DERA: variants seen among roughly 807,000 people sequenced by gnomAD.
DERA encodes the protein 2-deoxy-D-ribose 5-phosphate aldolase.
DERA carries 15 observed loss-of-function variants against 41.1 expected under a neutral mutation model. The observed-to-expected ratio is 0.37, with a 90% CI of 0.24 to 0.56. The LOEUF (loss-of-function observed/expected upper bound fraction) is 0.56. Among genes scored for constraint, DERA ranks in the 20% least tolerant of loss-of-function variants. DERA has a pLI of 0.81. For missense variants in DERA, 396 were observed against 403.4 expected (o/e 0.98, Z 0.16); for synonymous variants, 139 against 137.4 (o/e 1.01, Z -0.08).
rs184743681 is a variant in DERA, at chr12:15,922,748, G to A, written c.31+11334G>A. Reference sequence around the variant, plus strand: ...ACAGGATTGGGACCCAGGCACTTTAGTTGTAGACCTGATAGCATCTAGCTG... The same window carrying A: ...ACAGGATTGGGACCCAGGCACTTTAATTGTAGACCTGATAGCATCTAGCTG... On this transcript the variant is annotated intron_variant, in intron 1 of 8. Transcript: ENST00000428559. The surrounding 1 kb of genome is among the most constrained non-coding windows in gnomAD (Gnocchi z 4.9). 2.0e-5 allele frequency among the ~76,000 whole-genome samples: 3 copies of A among 152,314 alleles called. No individual in the cohort carries two copies. The East Asian group carries it at 5.8e-4, about 29-fold the overall frequency.
At chr12:15,939,177 T>C (rs570794704) in intron 1 of DERA, among the ~76,000 whole-genome samples, 39 of 152,316 alleles carry the variant, frequency 2.6e-4, no homozygotes, top group Admixed American at 1.3e-3. Context: ...GGAGACTTAA[T>C]GTCCCAGCAG....
chr12:15,949,674 C>T (rs60409227), intron 1 of DERA, among the ~76,000 whole-genome samples: 2,860 of 152,246 alleles, frequency 0.019, 100 homozygotes, highest in African/African-American at 0.064. Flanking sequence ...CGCCCTGCTT[C>T]GGCTCACGCT....
Position 15,996,891 on chromosome 12 carries a change from A to G in DERA, c.637+14455A>G, listed in dbSNP as rs557728351. 1.3e-5 allele frequency among the ~76,000 whole-genome samples: 2 copies of G among 152,344 alleles called. No individual in the cohort carries two copies. Among genetic ancestry groups the G allele is most frequent in the African/African-American group, 2.4e-5 (1 of 41,580 alleles). On this transcript the variant is annotated intron_variant, in intron 6 of 8. Coordinates refer to ENST00000428559, the MANE Select transcript of DERA (RefSeq NM_015954.4). This position sits in a 1 kb window ranked among gnomAD's most constrained non-coding sequence, Gnocchi z 4.7. ...AATCTAGTAGATATTAAATATTTTT[A>G]TCTGCAAAAAGCATTTGGTAAGGTT...
chr12:15,949,980 C>T (rs1388002691), intron 1 of DERA, among the ~76,000 whole-genome samples: 1 of 152,168 alleles, frequency 6.6e-6, no homozygotes, highest in Non-Finnish European at 1.5e-5. Context: ...TCTTCCATTT[C>T]CCGTACCTGG....
chr12:15,965,913 A>G lies in DERA; in HGVS notation c.508+2966A>G, dbSNP rs200365930. Among the ~76,000 whole-genome samples, 1 of 151,974 alleles carries G rather than the reference A, an allele frequency of 6.6e-6. No homozygotes were observed. The highest frequency in any genetic ancestry group is 1.5e-5 in the Non-Finnish European group (1 of 67,988). Reference sequence around the variant, plus strand: ...CCTGCATTTTCAGAAGCCCTGCTCTATCTATTGGGCATTCTTTCTTCCGTG... The same window carrying G: ...CCTGCATTTTCAGAAGCCCTGCTCTGTCTATTGGGCATTCTTTCTTCCGTG... On this transcript the variant is annotated intron_variant, in intron 5 of 8. Transcript: ENST00000428559. This position sits in a 1 kb window ranked among gnomAD's most constrained non-coding sequence, Gnocchi z 4.1.
In DERA at chr12:15,936,860, C is replaced by CTTGTG. The variant is rs1338709267; in HGVS notation, c.32-20072_32-20071insGTTGT. Reference sequence around the variant, plus strand: ...CATCTTCTGTCTTGTGTTGTCTTGTCTTGTCTTGTCTTGTCTTGTCTTGTC... The same window carrying CTTGTG: ...CATCTTCTGTCTTGTGTTGTCTTGTCTTGTGTTGTCTTGTCTTGTCTTGTCTTGTC... On this transcript the variant is annotated intron_variant, in intron 1 of 8. Coordinates refer to ENST00000428559, the MANE Select transcript of DERA (RefSeq NM_015954.4). This position sits in a 1 kb window ranked among gnomAD's most constrained non-coding sequence, Gnocchi z 4.6. Among the ~76,000 whole-genome samples, 25 of 129,620 alleles carry CTTGTG rather than the reference C, an allele frequency of 1.9e-4. No homozygotes were observed. In the South Asian group the frequency reaches 2.6e-3, roughly 13 times the overall value. 85.0% of individuals were successfully genotyped at this position (129,620 alleles called of 152,430 possible). A position where few individuals can be genotyped will look rare whatever the true frequency, so the allele number is the denominator to read the frequency against.
chr12:15,925,776 A>G (rs1044584810), intron 1 of DERA, among the ~76,000 whole-genome samples: 8 of 150,974 alleles, frequency 5.3e-5, no homozygotes, highest in African/African-American at 2.0e-4. Context: ...ACAAGCATCA[A>G]AGCTGCTGTG....
Position 15,988,109 on chromosome 12 carries a change from A to G in DERA, c.637+5673A>G, listed in dbSNP as rs1028158925. On this transcript the variant is annotated intron_variant, in intron 6 of 8. Transcript: ENST00000428559. This position sits in a 1 kb window ranked among gnomAD's most constrained non-coding sequence, Gnocchi z 6.0. ...AAAACTTGGAGACACCAGGAACCACAGAGCCCCAAAGAGGGTGTTACAGCA... is the reference window on the plus strand; with the variant it reads ...AAAACTTGGAGACACCAGGAACCACGGAGCCCCAAAGAGGGTGTTACAGCA... 2.0e-5 allele frequency among the ~76,000 whole-genome samples: 3 copies of G among 152,188 alleles called. No individual in the cohort carries two copies. The highest frequency in any genetic ancestry group is 7.2e-5 in the African/African-American group (3 of 41,452).
In DERA at chr12:16,036,381, G is replaced by A. The variant is rs1320587411; in HGVS notation, c.900G>A (p.Gln300=). Residue 300 remains glutamine, a splice_region_variant and synonymous_variant, in exon 8 of 9, where the codon CAG becomes CAA. Coordinates refer to ENST00000428559, the MANE Select transcript of DERA (RefSeq NM_015954.4). The surrounding 1 kb of genome is among the most constrained non-coding windows in gnomAD (Gnocchi z 4.9). ...ASTLLSDIER[Q]IYHHVTGRYA... ...CTCTGCTCTCGGACATTGAGAGGCA[G>A]GTGAGTAATCATCTCTGTCTTTGGA... The A allele has an allele frequency of 6.3e-7, 1 of 1,591,134 alleles. No individual in the cohort carries two copies.
At position 15,954,809 on chromosome 12, in the gene DERA, C is replaced by A. The variant is rs1948525110; in HGVS notation, c.32-2127C>A. ...GAATGGGAAGGACTTCAGGGGTGTC[C>A]TGTGACCGATAAAGGACAGCCTGTC... On this transcript the variant is annotated intron_variant, in intron 1 of 8. Coordinates refer to ENST00000428559, the MANE Select transcript of DERA (RefSeq NM_015954.4). This position sits in a 1 kb window ranked among gnomAD's most constrained non-coding sequence, Gnocchi z 4.0. Among the ~76,000 whole-genome samples the A allele has an allele frequency of 6.6e-6, 1 of 152,096 alleles. No individual in the cohort carries two copies. The highest frequency in any genetic ancestry group is 1.5e-5 in the Non-Finnish European group (1 of 68,006).
chr12:15,949,307 C>G (rs1948477435), intron 1 of DERA, among the ~76,000 whole-genome samples: 1 of 152,202 alleles, frequency 6.6e-6, no homozygotes, highest in Non-Finnish European at 1.5e-5. Flanking sequence ...GTGGAGTCTA[C>G]AGAGGCAGGC....
rs117805137 is a variant in DERA, at chr12:15,917,298, G to T, written c.31+5884G>T. On this transcript the variant is annotated intron_variant, in intron 1 of 8. Coordinates refer to ENST00000428559, the MANE Select transcript of DERA (RefSeq NM_015954.4). ...CTAGCTCTTAGCTCAGGTGGTAAGA[G>T]AATTTAAAAATTTTTAGATTTCTGC... Among the ~76,000 whole-genome samples the T allele has an allele frequency of 6.6e-3, 1,011 of 152,270 alleles. 4 individuals carry two copies. The highest frequency in any genetic ancestry group is 0.011 in the Non-Finnish European group (754 of 68,008).
At chr12:15,968,487 C>T (rs1948638864) in intron 5 of DERA, among the ~76,000 whole-genome samples, 1 of 152,234 alleles carries the variant, frequency 6.6e-6, no homozygotes, top group Non-Finnish European at 1.5e-5. Context: ...CCAGGCCACC[C>T]AGTCATTGCT....
In DERA at chr12:16,014,219, C is replaced by T. The variant is rs1463743675; in HGVS notation, c.638-18323C>T. On this transcript the variant is annotated intron_variant, in intron 6 of 8. Coordinates refer to ENST00000428559, the MANE Select transcript of DERA (RefSeq NM_015954.4). The surrounding 1 kb of genome is among the most constrained non-coding windows in gnomAD (Gnocchi z 5.4). ...CAGATGCAGAAATTTGCATAAGTAACGAGGAGCCAAATGTTAATCACCAAG... is the reference window on the plus strand; with the variant it reads ...CAGATGCAGAAATTTGCATAAGTAATGAGGAGCCAAATGTTAATCACCAAG... Among the ~76,000 whole-genome samples the T allele has an allele frequency of 1.3e-5, 2 of 152,126 alleles. No homozygotes were observed. Among genetic ancestry groups the T allele is most frequent in the East Asian group, 1.9e-4 (1 of 5,182 alleles).
At position 16,001,307 on chromosome 12, in the gene DERA, C is replaced by T. The variant is rs1009120360; in HGVS notation, c.637+18871C>T. On this transcript the variant is annotated intron_variant, in intron 6 of 8. Coordinates refer to ENST00000428559, the MANE Select transcript of DERA (RefSeq NM_015954.4). The surrounding 1 kb of genome is among the most constrained non-coding windows in gnomAD (Gnocchi z 4.1). ...AGAAATAAAAAAAACCATTCAGGCT[C>T]CCATGAGGTGATCAGGTACTTCTTT... Among the ~76,000 whole-genome samples the T allele has an allele frequency of 6.6e-6, 1 of 152,140 alleles. No individual in the cohort carries two copies. The highest frequency in any genetic ancestry group is 1.5e-5 in the Non-Finnish European group (1 of 68,026).
At chr12:15,951,318 T>C (rs755805352) in intron 1 of DERA, 4 of 152,298 alleles carry the variant, frequency 2.6e-5, no homozygotes, top group Admixed American at 1.3e-4. Context: ...TTGGTGATCT[T>C]TTCTATGGGA....
intron 1 of DERA, among the ~76,000 whole-genome samples, chr12:15,946,301 T>C (rs1422972504): frequency 6.6e-6 from 1 of 152,214 alleles, no homozygotes; most frequent in Non-Finnish European, 1.5e-5. Context: ...TCAGAAGGAA[T>C]GCTACCAGCT....
intron 1 of DERA, among the ~76,000 whole-genome samples, chr12:15,916,884 C>G (rs918179162): frequency 2.6e-5 from 4 of 152,184 alleles, no homozygotes; most frequent in African/African-American, 9.6e-5. Context: ...GTGGCTGGGA[C>G]TATAGGCTGT....
chr12:15,964,718 G>A (rs1948611473), intron 5 of DERA, among the ~76,000 whole-genome samples: 1 of 152,088 alleles, frequency 6.6e-6, no homozygotes, highest in African/African-American at 2.4e-5. Flanking sequence ...AGCAATTGTA[G>A]ATGTAGAAAT....
Sources: gnomAD v4.1 joint callset for allele counts (sites outside exome capture counted in the v4.1 genomes callset) on GRCh38, gnomAD v4.1.1 for gene constraint, Gnocchi (gnomAD v3.1) non-coding constraint, MANE v1.5 for transcripts, NCBI Gene and HGNC (gene_info 2026-07-23, HGNC 2026-07-21) for gene names.